The following CADPS variants were observed in gnomAD, a reference collection of about 807,000 sequenced individuals.
CADPS encodes calcium-dependent secretion activator 1.
CADPS carries 57 observed loss-of-function variants against 167.3 expected under a neutral mutation model. The ratio of observed to expected loss-of-function variants is 0.34; its 90% CI spans 0.28 to 0.42. The LOEUF is 0.42. CADPS is among the 20% of genes least tolerant of loss of function. The pLI is 1.00. For synonymous variants in CADPS, 676 were observed against 635.3 expected (o/e 1.06, Z -0.96); for missense variants, 1,414 against 1,738.1 (o/e 0.81, Z 3.32).
chr3:62,553,151 T>C (rs2077575600), intron 10 of CADPS, among the ~76,000 whole-genome samples: 1 of 152,138 alleles, frequency 6.6e-6, no homozygotes. Context: ...CGATCAGGTA[T>C]CACTTTTACT....
intron 1 of CADPS, among the ~76,000 whole-genome samples, chr3:62,807,150 T>G (rs150379102): frequency 6.6e-6 from 1 of 152,224 alleles, no homozygotes; most frequent in Non-Finnish European, 1.5e-5. Flanking sequence ...AATGTCTAAA[T>G]GTCTTGATTA....
intron 10 of CADPS, among the ~76,000 whole-genome samples, chr3:62,555,224 C>A (rs920420670): frequency 6.6e-6 from 1 of 152,022 alleles, no homozygotes; most frequent in Non-Finnish European, 1.5e-5. Flanking sequence ...CATTTTACAT[C>A]TTTCCATTTA....
chr3:62,871,034 C>T (rs1406751560), intron 1 of CADPS, among the ~76,000 whole-genome samples: 3 of 152,024 alleles, frequency 2.0e-5, no homozygotes, highest in Admixed American at 6.6e-5. Context: ...TAAATTATTT[C>T]GCCATGTTAT....
At chr3:62,434,452 A>G (rs1189614838) in intron 28 of CADPS, among the ~76,000 whole-genome samples, 12 of 152,158 alleles carry the variant, frequency 7.9e-5, no homozygotes, top group Non-Finnish European at 8.8e-5. Flanking sequence ...TTAATAAACA[A>G]AGGAATCTTA....
At chr3:62,697,430 C>A (rs1197693663) in intron 3 of CADPS, among the ~76,000 whole-genome samples, 1 of 152,012 alleles carries the variant, frequency 6.6e-6, no homozygotes, top group East Asian at 1.9e-4. Flanking sequence ...ACTGAGAATG[C>A]CATTAATTCA....
At chr3:62,759,244 C>G (rs1461125997) in intron 2 of CADPS, among the ~76,000 whole-genome samples, 1 of 152,076 alleles carries the variant, frequency 6.6e-6, no homozygotes, top group Non-Finnish European at 1.5e-5. Flanking sequence ...TAACAACCTT[C>G]CTTTGTAGGA....
Position 62,532,868 on chromosome 3 carries a change from T to C in CADPS, c.2291+3A>G, listed in dbSNP as rs565597658. ...ACCTCTAGACACACGAACACACACT[T>C]ACCTGTTCCCATGGACATGGGATGC... On this transcript the variant is annotated splice_donor_region_variant and intron_variant, in intron 13 of 29. Transcript: ENST00000383710. The C allele has an allele frequency of 2.2e-4, 354 of 1,613,234 alleles. 3 individuals carry two copies. In the South Asian group the frequency reaches 3.7e-3, roughly 17 times the overall value.
At chr3:62,573,061 T>C (rs1425008083) in intron 8 of CADPS, among the ~76,000 whole-genome samples, 1 of 152,104 alleles carries the variant, frequency 6.6e-6, no homozygotes, top group Non-Finnish European at 1.5e-5. Flanking sequence ...TTTGTATTTT[T>C]AGTAGAGATG....
At chr3:62,435,962 T>TATTAATTA (rs71901508) in intron 28 of CADPS, among the ~76,000 whole-genome samples, 2 of 151,248 alleles carry the variant, frequency 1.3e-5, no homozygotes, top group East Asian at 1.9e-4. Flanking sequence ...ATTAATTTAC[T>TATTAATTA]ATTAATTAAT....
At chr3:62,829,272 T>G (rs1473978632) in intron 1 of CADPS, among the ~76,000 whole-genome samples, 1 of 152,048 alleles carries the variant, frequency 6.6e-6, no homozygotes, top group Non-Finnish European at 1.5e-5. Context: ...AATACAAAAT[T>G]TAAAAATAGA....
intron 23 of CADPS, among the ~76,000 whole-genome samples, chr3:62,474,808 G>A (rs2061062759): frequency 6.6e-6 from 1 of 152,018 alleles, no homozygotes; most frequent in African/African-American, 2.4e-5. Flanking sequence ...CCCCTTTCTG[G>A]TTTTGAAAGA....
chr3:62,851,947 C>T (rs2078686411), intron 1 of CADPS, among the ~76,000 whole-genome samples: 1 of 151,472 alleles, frequency 6.6e-6, no homozygotes, highest in Non-Finnish European at 1.5e-5. Context: ...CACATAGTTC[C>T]ATATTTCTTG....
intron 3 of CADPS, among the ~76,000 whole-genome samples, chr3:62,740,048 T>C (rs903936777): frequency 6.6e-5 from 10 of 152,236 alleles, no homozygotes; most frequent in Non-Finnish European, 8.8e-5. Flanking sequence ...TTGATTGCCA[T>C]GTTCATGGGT....
rs1171497216 is a variant in CADPS, at chr3:62,594,184, C to G, written c.1326-1436G>C. 2.2e-5 allele frequency among the ~76,000 whole-genome samples: 3 copies of G among 136,642 alleles called. No individual in the cohort carries two copies. The East Asian group carries it at 6.4e-4, about 29-fold the overall frequency. The allele number at this position is 136,642 out of a possible 152,430, so 89.6% of individuals were successfully genotyped here. ...TTATTTATTTATTTATTTTTTGAGA[C>G]AGAGTCTCGCTCTGTCGCCCAGGCT... On this transcript the variant is annotated intron_variant, in intron 6 of 29. Transcript: ENST00000383710.
At chr3:62,652,606 A>G (rs1171989893) in intron 4 of CADPS, among the ~76,000 whole-genome samples, 2 of 152,008 alleles carry the variant, frequency 1.3e-5, no homozygotes, top group Non-Finnish European at 2.9e-5. Flanking sequence ...GCCACACTGG[A>G]TCAGGTCAAA....
At chr3:62,702,133 T>C (rs116103963) in intron 3 of CADPS, among the ~76,000 whole-genome samples, 132 of 152,258 alleles carry the variant, frequency 8.7e-4, no homozygotes, top group African/African-American at 2.7e-3. Flanking sequence ...CCCTTTTAAA[T>C]ACTGAAGCCC....
chr3:62,665,266 A>C (rs1214566675), intron 3 of CADPS, among the ~76,000 whole-genome samples: 1 of 152,206 alleles, frequency 6.6e-6, no homozygotes, highest in Non-Finnish European at 1.5e-5. Context: ...TTCTAGAGTA[A>C]ATAATTGTTT....
intron 3 of CADPS, among the ~76,000 whole-genome samples, chr3:62,710,599 A>C (rs967875742): frequency 4.6e-5 from 7 of 151,688 alleles, no homozygotes; most frequent in Non-Finnish European, 1.0e-4. Context: ...TCAGTCAGTA[A>C]TATACATTAT....
At chr3:62,597,053 A>G (rs1359419871) in intron 6 of CADPS, among the ~76,000 whole-genome samples, 1 of 152,242 alleles carries the variant, frequency 6.6e-6, no homozygotes, top group Non-Finnish European at 1.5e-5. Context: ...GATTAATTGT[A>G]CTATTAATCT....
Sources: allele counts gnomAD v4.1 joint callset (sites outside exome capture counted in the v4.1 genomes callset), GRCh38; gene constraint gnomAD v4.1.1; transcripts MANE v1.5; gene names NCBI Gene and HGNC (gene_info 2026-07-23, HGNC 2026-07-21).